NECTIN3: variants seen among roughly 807,000 people sequenced by gnomAD.
NECTIN3 encodes nectin cell adhesion molecule 3.
In NECTIN3, 8 loss-of-function variants were observed where a neutral mutation model predicts 49.4. That is an observed-to-expected ratio of 0.16 (90% CI 0.10 to 0.29). The LOEUF is 0.29. Among genes scored for constraint, NECTIN3 ranks in the 10% least tolerant of loss-of-function variants. NECTIN3 has a pLI of 1.00. For missense variants in NECTIN3, 581 were observed against 654.6 expected (o/e 0.89, Z 1.23); for synonymous variants, 277 against 241.1 (o/e 1.15, Z -1.38).
At chr3:111,154,696 T>G (rs1036313091) in intron 7 of NECTIN3, among the ~76,000 whole-genome samples, 1 of 152,270 alleles carries the variant, frequency 6.6e-6, no homozygotes, top group African/African-American at 2.4e-5. Flanking sequence ...AGTTGTGTGG[T>G]TGTGTTTTAT....
At chr3:111,144,884 T>C (rs2034836158) in intron 5 of NECTIN3, 1 of 1,518,810 alleles carries the variant, frequency 6.6e-7, no homozygotes, top group Non-Finnish European at 8.8e-7. Flanking sequence ...AAGCCTAATT[T>C]TTGTTACTTT....
intron 7 of NECTIN3, among the ~76,000 whole-genome samples, chr3:111,171,718 A>C (rs1433857578): frequency 6.6e-6 from 1 of 152,110 alleles, no homozygotes; most frequent in African/African-American, 2.4e-5. Context: ...TAAAAAAAAA[A>C]ACCTCTTCAA....
intron 1 of NECTIN3, among the ~76,000 whole-genome samples, chr3:111,102,291 C>T (rs917899156): frequency 6.6e-6 from 1 of 152,146 alleles, no homozygotes; most frequent in Admixed American, 6.5e-5. Context: ...ACTATCCACC[C>T]ATCATCTCCC....
chr3:111,182,417 A>C (rs1474219830), intron 7 of NECTIN3, among the ~76,000 whole-genome samples: 6 of 152,102 alleles, frequency 3.9e-5, no homozygotes, highest in African/African-American at 1.4e-4. Context: ...AGTAACTAAG[A>C]TGGGAATGTT....
chr3:111,185,650 A>C (rs940325732), intron 7 of NECTIN3, among the ~76,000 whole-genome samples: 1 of 152,248 alleles, frequency 6.6e-6, no homozygotes, highest in African/African-American at 2.4e-5. Flanking sequence ...CACCTTGTAG[A>C]GAATAAACAA....
intron 1 of NECTIN3, among the ~76,000 whole-genome samples, chr3:111,094,560 A>G (rs1177063921): frequency 6.6e-6 from 1 of 152,192 alleles, no homozygotes; most frequent in Admixed American, 6.5e-5. Flanking sequence ...ACTCAAGGCT[A>G]TGATTTATGA....
intron 5 of NECTIN3, among the ~76,000 whole-genome samples, chr3:111,143,543 CTTA>C (rs1311480870): frequency 7.2e-5 from 11 of 151,874 alleles, no homozygotes; most frequent in African/African-American, 2.7e-4. Context: ...TTGGAAAATA[CTTA>C]TAAATATGTA....
intron 1 of NECTIN3, among the ~76,000 whole-genome samples, chr3:111,107,288 T>C (rs1191333686): frequency 1.3e-5 from 2 of 152,174 alleles, no homozygotes; most frequent in South Asian, 2.1e-4. Flanking sequence ...CAAAGAGTTG[T>C]GTTTTCATGG....
intron 2 of NECTIN3, among the ~76,000 whole-genome samples, chr3:111,114,783 T>C (rs1260970092): frequency 6.6e-6 from 1 of 152,166 alleles, no homozygotes; most frequent in African/African-American, 2.4e-5. Context: ...TAGAGCTGTG[T>C]GGGTCCCTTT....
chr3:111,081,021 G>A (rs184112127), intron 1 of NECTIN3, among the ~76,000 whole-genome samples: 2 of 152,218 alleles, frequency 1.3e-5, no homozygotes, highest in Admixed American at 6.5e-5. Context: ...AGTGGCTCAC[G>A]TCTGTAATCC....
At chr3:111,075,539 G>C (rs920392594) in intron 1 of NECTIN3, among the ~76,000 whole-genome samples, 1 of 152,038 alleles carries the variant, frequency 6.6e-6, no homozygotes, top group Non-Finnish European at 1.5e-5. Flanking sequence ...TCAAATGTTA[G>C]CATTTATTAT....
intron 2 of NECTIN3, among the ~76,000 whole-genome samples, chr3:111,117,611 T>G (rs577669274): frequency 6.6e-6 from 1 of 151,112 alleles, no homozygotes; most frequent in South Asian, 2.1e-4. Context: ...TAAAAATAGG[T>G]TTCAAAGTAA....
At chr3:111,080,229 A>G (rs1387904228) in intron 1 of NECTIN3, among the ~76,000 whole-genome samples, 1 of 152,142 alleles carries the variant, frequency 6.6e-6, no homozygotes, top group Non-Finnish European at 1.5e-5. Flanking sequence ...GGATTCTTAA[A>G]GTACTCAGCA....
chr3:111,190,569 A>T (rs1559824649), upstream of NECTIN3, among the ~76,000 whole-genome samples: 1 of 152,238 alleles, frequency 6.6e-6, no homozygotes, highest in South Asian at 2.1e-4. Flanking sequence ...CGAGGGCCTT[A>T]TTCCTAATAG....
At chr3:111,073,929 C>T in intron 1 of NECTIN3, among the ~76,000 whole-genome samples, 1 of 152,258 alleles carries the variant, frequency 6.6e-6, no homozygotes, top group East Asian at 1.9e-4. Flanking sequence ...TAAAAAATCT[C>T]AATGTAGCAT....
chr3:111,119,631 T>A (rs2033858681), intron 3 of NECTIN3, among the ~76,000 whole-genome samples: 1 of 152,222 alleles, frequency 6.6e-6, no homozygotes, highest in African/African-American at 2.4e-5. Context: ...CATGTGGCCT[T>A]ATTTTCTTTG....
At chr3:111,178,183 C>T (rs1413911360) in intron 7 of NECTIN3, among the ~76,000 whole-genome samples, 2 of 152,170 alleles carry the variant, frequency 1.3e-5, no homozygotes, top group East Asian at 3.8e-4. Flanking sequence ...GCTGTTACAA[C>T]TCTGTGGTTG....
chr3:111,119,088 T>A, intron 3 of NECTIN3, 136 bp downstream of exon 3: 1 of 829,102 alleles, frequency 1.2e-6, no homozygotes, highest in Non-Finnish European at 1.8e-6. Context: ...AAATTTCATT[T>A]AACCAGAACA....
intron 4 of NECTIN3, among the ~76,000 whole-genome samples, chr3:111,123,928 A>G (rs1433547073): frequency 6.6e-6 from 1 of 151,940 alleles, no homozygotes; most frequent in Non-Finnish European, 1.5e-5. Flanking sequence ...TTTTAAATCT[A>G]TTTTCTGTCT....
Sources: gnomAD v4.1 joint callset for allele counts (sites outside exome capture counted in the v4.1 genomes callset) on GRCh38, gnomAD v4.1.1 for gene constraint, MANE v1.5 for transcripts, NCBI Gene and HGNC (gene_info 2026-07-23, HGNC 2026-07-21) for gene names.